Variants in NRG3 observed in about 807,000 individuals in gnomAD.
NRG3 encodes the protein neuregulin 3, also known as pro-neuregulin-3, membrane-bound isoform.
A neutral mutation model predicts 66.9 loss-of-function variants in NRG3; 31 were observed. The ratio of observed to expected loss-of-function variants is 0.46; its 90% CI spans 0.35 to 0.63. NRG3 has a LOEUF of 0.63. Ranked by LOEUF, NRG3 falls within the 20% of genes least tolerant of loss-of-function variation. The pLI is 0.00. For synonymous variants in NRG3, 393 were observed against 359.4 expected, an observed-to-expected ratio of 1.09 and a Z score of -1.06; for missense variants, 910 against 878.9, an observed-to-expected ratio of 1.04 and a Z score of -0.45.
At chr10:82,856,904 T>C (rs904417106) in intron 3 of NRG3, among the ~76,000 whole-genome samples, 4 of 152,340 alleles carry the variant, frequency 2.6e-5, no homozygotes, top group South Asian at 2.1e-4. Context: ...TATTCACCTG[T>C]ACACAGTTAC....
chr10:82,178,958 T>G (rs1226741660), intron 1 of NRG3, among the ~76,000 whole-genome samples: 1 of 151,742 alleles, frequency 6.6e-6, no homozygotes, highest in African/African-American at 2.4e-5. Flanking sequence ...TGATATCTCA[T>G]TATAATTTTG....
chr10:82,513,626 A>G (rs1353208892), intron 2 of NRG3, among the ~76,000 whole-genome samples: 1 of 152,154 alleles, frequency 6.6e-6, no homozygotes, highest in Non-Finnish European at 1.5e-5. Context: ...ATAAAAACAC[A>G]AAAATTAGCT....
intron 4 of NRG3, among the ~76,000 whole-genome samples, chr10:82,900,052 T>A (rs963888801): frequency 6.6e-6 from 1 of 152,070 alleles, no homozygotes; most frequent in African/African-American, 2.4e-5. Context: ...AGCTTCTAAT[T>A]ATGGCAGAAG....
At chr10:82,345,091 G>T (rs201478853) in intron 1 of NRG3, among the ~76,000 whole-genome samples, 14,837 of 99,112 alleles carry the variant, frequency 0.15, 1,479 homozygotes, top group African/African-American at 0.43. Context: ...GTCAATTTTG[G>T]CTTTTGTTGC....
intron 4 of NRG3, among the ~76,000 whole-genome samples, chr10:82,887,383 G>A (rs1258493564): frequency 6.6e-6 from 1 of 152,158 alleles, no homozygotes; most frequent in Non-Finnish European, 1.5e-5. Flanking sequence ...AAAAAATATG[G>A]TTGAAAGAGT....
At chr10:82,387,690 C>A (rs544956693) in intron 2 of NRG3, among the ~76,000 whole-genome samples, 1 of 152,282 alleles carries the variant, frequency 6.6e-6, no homozygotes, top group East Asian at 1.9e-4. Flanking sequence ...TCAGAATTGG[C>A]TGTCCATCAA....
chr10:81,939,276 G>A (rs1323645821), intron 1 of NRG3, among the ~76,000 whole-genome samples: 1 of 151,896 alleles, frequency 6.6e-6, no homozygotes, highest in Non-Finnish European at 1.5e-5. Flanking sequence ...GGGTAAAAAT[G>A]GCCTCATAAA....
intron 3 of NRG3, among the ~76,000 whole-genome samples, chr10:82,773,288 T>G (rs1565299761): frequency 1.3e-5 from 2 of 152,236 alleles, no homozygotes; most frequent in Admixed American, 6.5e-5. Context: ...TTCTACCAGG[T>G]GTGATGTGAT....
intron 1 of NRG3, among the ~76,000 whole-genome samples, chr10:81,987,209 C>T (rs2060559225): frequency 6.6e-6 from 1 of 152,014 alleles, no homozygotes; most frequent in Non-Finnish European, 1.5e-5. Context: ...CTCAGCCTCC[C>T]AAGTAGTTGG....
chr10:82,708,592 C>G (rs1381279795), intron 2 of NRG3, among the ~76,000 whole-genome samples: 1 of 152,172 alleles, frequency 6.6e-6, no homozygotes. Context: ...CAGTTATGAT[C>G]ATCCCATCTG....
At chr10:81,938,243 TA>T (rs540047963) in intron 1 of NRG3, among the ~76,000 whole-genome samples, 18 of 150,708 alleles carry the variant, frequency 1.2e-4, no homozygotes, top group South Asian at 2.1e-4. Flanking sequence ...ATTTTGAAAT[TA>T]AAAAAAAAAT....
chr10:82,770,184 T>A (rs900704615), intron 3 of NRG3, among the ~76,000 whole-genome samples: 4 of 152,178 alleles, frequency 2.6e-5, no homozygotes, highest in Admixed American at 2.6e-4. Context: ...GCAGCATGAC[T>A]ATGCATAGTA....
At chr10:82,479,108 TAGG>T (rs1432672890) in intron 2 of NRG3, among the ~76,000 whole-genome samples, 1 of 152,124 alleles carries the variant, frequency 6.6e-6, no homozygotes, top group African/African-American at 2.4e-5. Flanking sequence ...TTGAAATTAA[TAGG>T]AGGTGATGTG....
intron 1 of NRG3, among the ~76,000 whole-genome samples, chr10:81,945,326 A>C (rs1589551327): frequency 2.8e-5 from 4 of 140,988 alleles, no homozygotes; most frequent in African/African-American, 5.3e-5. Context: ...TCCTCCTCTT[A>C]CTCCTCCTCC....
At chr10:82,251,083 G>A (rs765990168) in intron 1 of NRG3, among the ~76,000 whole-genome samples, 1 of 152,282 alleles carries the variant, frequency 6.6e-6, no homozygotes, top group Non-Finnish European at 1.5e-5. Flanking sequence ...AAAATCTGAC[G>A]ACGTTGGACG....
chr10:82,220,553 A>G (rs1419387764), intron 1 of NRG3, among the ~76,000 whole-genome samples: 1 of 152,112 alleles, frequency 6.6e-6, no homozygotes, highest in African/African-American at 2.4e-5. Flanking sequence ...CATTTAGCTG[A>G]GGGTGGACAT....
chr10:82,750,644 G>A (rs187483030), intron 3 of NRG3, among the ~76,000 whole-genome samples: 364 of 152,160 alleles, frequency 2.4e-3, no homozygotes, highest in Non-Finnish European at 2.7e-3. Context: ...CTGAGTTATA[G>A]TAATTTTATG....
In NRG3 at chr10:82,116,744, C is replaced by T. The variant is rs572939224; in HGVS notation, c.823+240581C>T. ...AGGACGCCCAAGTGAATCTTTGTGT[C>T]TGGGAAACTTAGATTTGAAGAGAAC... On this transcript the variant is annotated intron_variant, in intron 1 of 8. Coordinates refer to ENST00000372141, the MANE Select transcript of NRG3 (RefSeq NM_001010848.4). Among the ~76,000 whole-genome samples, 14 of 152,196 alleles carry T rather than the reference C, an allele frequency of 9.2e-5. No homozygotes were observed. The South Asian group carries it at 2.3e-3, about 25-fold the overall frequency.
chr10:81,930,707 G>A (rs1847259905), intron 1 of NRG3, among the ~76,000 whole-genome samples: 2 of 152,162 alleles, frequency 1.3e-5, no homozygotes, highest in Admixed American at 1.3e-4. Context: ...GTTTTATGGA[G>A]TTGTGGAGAG....
Sources: allele counts gnomAD v4.1 joint callset (sites outside exome capture counted in the v4.1 genomes callset), GRCh38; gene constraint gnomAD v4.1.1; transcripts MANE v1.5; gene names NCBI Gene and HGNC (gene_info 2026-07-23, HGNC 2026-07-21).